The following GTF3C1 variants were observed in gnomAD, a reference collection of about 807,000 sequenced individuals.
The protein encoded by GTF3C1 is general transcription factor IIIC subunit 1.
A neutral mutation model predicts 226.7 loss-of-function variants in GTF3C1; 57 were observed. The observed-to-expected ratio is 0.25, with a 90% CI of 0.20 to 0.31. The LOEUF (loss-of-function observed/expected upper bound fraction) is 0.31, where lower values mean the gene tolerates loss of function less well. Among genes scored for constraint, GTF3C1 ranks in the 10% least tolerant of loss-of-function variants. The pLI, the probability that GTF3C1 is intolerant of heterozygous loss-of-function variation, is 1.00. For synonymous variants in GTF3C1, 1,090 were observed against 1,084.8 expected (o/e 1.00, Z -0.09); for missense variants, 2,217 against 2,776.1 (o/e 0.80, Z 4.53).
At chr16:27,517,164 G>A (rs2088670847) in intron 6 of GTF3C1, among the ~76,000 whole-genome samples, 1 of 152,306 alleles carries the variant, frequency 6.6e-6, no homozygotes, top group Middle Eastern at 3.4e-3. Flanking sequence ...GGTAAACGAC[G>A]GAACAGTGTA....
At chr16:27,478,294 C>G (rs528097501) in intron 28 of GTF3C1, among the ~76,000 whole-genome samples, 175 bp downstream of exon 28, 1 of 152,268 alleles carries the variant, frequency 6.6e-6, no homozygotes, top group African/African-American at 2.4e-5. Context: ...GAGGTTCTTG[C>G]ACAAAAGCAG....
chr16:27,475,642 C>T (rs531591956), intron 29 of GTF3C1, among the ~76,000 whole-genome samples: 1 of 152,088 alleles, frequency 6.6e-6, no homozygotes, highest in East Asian at 1.9e-4. Flanking sequence ...GTAGTAAGAC[C>T]ACTGACTTCC....
chr16:27,462,179 T>G lies in GTF3C1; in HGVS notation c.6117+115A>C. 2.9e-6 allele frequency: 2 copies of G among 696,390 alleles called. No homozygotes were observed. The highest frequency in any genetic ancestry group is 4.8e-6 in the Non-Finnish European group (2 of 413,266). The allele number at this position is 696,390 out of a possible 1,614,324, so 43.1% of individuals were successfully genotyped here. A position where few individuals can be genotyped will look rare whatever the true frequency, so the allele number is the denominator to read the frequency against. On this transcript the variant is annotated intron_variant, in intron 36 of 36. Coordinates refer to ENST00000356183, the MANE Select transcript of GTF3C1 (RefSeq NM_001520.4). This position sits in a 1 kb window ranked among gnomAD's most constrained non-coding sequence, Gnocchi z 4.5. ...GCCCAGGACAAGCTGGGGGAGGAGG[T>G]GCAGGCAAGCAGTATGGTGGTACTG...
chr16:27,533,144 A>G (rs2088946809), intron 5 of GTF3C1, 147 bp downstream of exon 5: 2 of 529,740 alleles, frequency 3.8e-6, no homozygotes, highest in East Asian at 3.0e-5. Context: ...AAAAGAAAAG[A>G]AAAAAACAGC....
intron 15 of GTF3C1, 44 bp from the exon 16 acceptor site, chr16:27,494,952 G>C (rs1264863618): frequency 6.3e-7 from 1 of 1,574,852 alleles, no homozygotes; most frequent in African/African-American, 1.3e-5. Flanking sequence ...CAGGATACCA[G>C]TCACCATGGT....
intron 7 of GTF3C1, among the ~76,000 whole-genome samples, chr16:27,510,795 T>TG (rs1037906935): frequency 2.6e-5 from 4 of 152,148 alleles, no homozygotes; most frequent in African/African-American, 4.8e-5. Flanking sequence ...TTAGGGGACC[T>TG]GGGGGAAGGG....
chr16:27,469,793 C>T lies in GTF3C1; in HGVS notation c.4815-243G>A, dbSNP rs564836699. On this transcript the variant is annotated intron_variant, in intron 31 of 36. Transcript: ENST00000356183. The surrounding 1 kb of genome is among the most constrained non-coding windows in gnomAD (Gnocchi z 4.5). Reference sequence around the variant, plus strand: ...CTCTGTGGGGACTGTTCCTTTTGCCCGTCTCTCAGCCCAGAAAACACCCAT... The same window carrying T: ...CTCTGTGGGGACTGTTCCTTTTGCCTGTCTCTCAGCCCAGAAAACACCCAT... Among the ~76,000 whole-genome samples, 26 of 152,248 alleles carry T rather than the reference C, an allele frequency of 1.7e-4. No individual in the cohort carries two copies. Among genetic ancestry groups the T allele is most frequent in the East Asian group, 5.8e-4 (3 of 5,176 alleles).
chr16:27,494,876 T>C lies in GTF3C1; in HGVS notation c.2665A>G (p.Ile889Val), dbSNP rs1335628014. ...YVDDASWMRY[I>V]PPIPVHRDFG... Reference sequence around the variant, plus strand: ...TCCCTGTGGACTGGGATTGGGGGGATGTAGCGCATCCACGAGGCATCGTCG... The same window carrying C: ...TCCCTGTGGACTGGGATTGGGGGGACGTAGCGCATCCACGAGGCATCGTCG... The change falls in exon 16 of 37, where the codon ATC becomes GTC. Residue 889 changes from isoleucine (I) to valine (V), a missense_variant. Physicochemically the swap from Ile to Val is conservative, Grantham distance 29 (BLOSUM62 3). Around this residue, in one of 12 missense-constraint regions of GTF3C1, gnomAD observed 353 missense variants for 411.7 expected, o/e 0.86. Transcript: ENST00000356183. 17 of 1,613,736 alleles carry C rather than the reference T, an allele frequency of 1.1e-5. No homozygotes were observed. The highest frequency in any genetic ancestry group is 1.4e-5 in the Non-Finnish European group (17 of 1,179,726).
At chr16:27,525,496 T>C (rs1025287056) in intron 6 of GTF3C1, among the ~76,000 whole-genome samples, 3 of 152,252 alleles carry the variant, frequency 2.0e-5, no homozygotes, top group African/African-American at 7.2e-5. Flanking sequence ...TGTGGTATTG[T>C]AATTATCTGT....
chr16:27,505,550 T>C (rs181893414), intron 10 of GTF3C1, among the ~76,000 whole-genome samples: 1 of 152,350 alleles, frequency 6.6e-6, no homozygotes, highest in Admixed American at 6.5e-5. Flanking sequence ...CATAGAGAGT[T>C]GTGGCATCCA....
At chr16:27,485,673 A>G (rs1336237030) in intron 24 of GTF3C1, among the ~76,000 whole-genome samples, 1 of 152,188 alleles carries the variant, frequency 6.6e-6, no homozygotes, top group Non-Finnish European at 1.5e-5. Flanking sequence ...AGAAAAACAG[A>G]ATGGTATTAA....
chr16:27,481,987 A>G (rs1221100467), intron 26 of GTF3C1, among the ~76,000 whole-genome samples: 1 of 152,040 alleles, frequency 6.6e-6, no homozygotes, highest in Non-Finnish European at 1.5e-5. Context: ...GTCTCCTAGG[A>G]TACACCAGGA....
At chr16:27,465,718 C>T (rs2087778172) in intron 32 of GTF3C1, 178 bp from the exon 33 acceptor site, 7 of 605,156 alleles carry the variant, frequency 1.2e-5, no homozygotes, top group South Asian at 2.0e-5. Context: ...GCTCCTGATC[C>T]GTGACCCTAG....
chr16:27,545,228 C>T (rs1300988756), intron 2 of GTF3C1, 86 bp downstream of exon 2: 8 of 930,176 alleles, frequency 8.6e-6, no homozygotes, highest in South Asian at 6.7e-5. Flanking sequence ...CCACCTGCCT[C>T]GGCCTCTTAA....
At chr16:27,547,181 T>C (rs546223701) in intron 1 of GTF3C1, among the ~76,000 whole-genome samples, 2 of 152,292 alleles carry the variant, frequency 1.3e-5, no homozygotes, top group South Asian at 2.1e-4. Context: ...CCTTGAAATG[T>C]AGGTGCACTG....
chr16:27,465,131 G>C (rs777305617), intron 33 of GTF3C1, 129 bp downstream of exon 33: 8 of 829,848 alleles, frequency 9.6e-6, no homozygotes, highest in Admixed American at 4.4e-5. Context: ...AAGTGTTAAT[G>C]ACTAATTCAA....
Position 27,464,413 on chromosome 16 carries a change from C to T in GTF3C1, c.5779G>A (p.Glu1927Lys). The change falls in exon 34 of 37, where the codon GAA (glutamate) becomes AAA (lysine). Residue 1927 changes from glutamate to lysine, a missense_variant. By Grantham distance (56) the Glu-to-Lys change is moderately conservative (BLOSUM62 1). Coordinates refer to ENST00000356183, the MANE Select transcript of GTF3C1 (RefSeq NM_001520.4). Reference protein sequence around the residue: ...EDTAAAGAAQEDQEGVGEFSS... With the variant: ...EDTAAAGAAQKDQEGVGEFSS... ...AACTCACCGACACCCTCTTGGTCTT[C>T]CTGTGCTGCTCCCGCTGCAGCGGTG... 1 of 1,603,712 alleles carries T rather than the reference C, an allele frequency of 6.2e-7. No individual in the cohort carries two copies. Among genetic ancestry groups the T allele is most frequent in the Non-Finnish European group, 8.5e-7 (1 of 1,174,940 alleles).
intron 2 of GTF3C1, among the ~76,000 whole-genome samples, chr16:27,542,352 G>A (rs2036362349): frequency 6.6e-6 from 1 of 152,158 alleles, no homozygotes; most frequent in Admixed American, 6.5e-5. Flanking sequence ...CCTGAGGTCA[G>A]GAGTTCAAGA....
In GTF3C1 at chr16:27,511,805, A is replaced by G; in HGVS notation, c.1070T>C (p.Val357Ala). The G allele has an allele frequency of 1.2e-6, 2 of 1,614,196 alleles. No individual in the cohort carries two copies. Among genetic ancestry groups the G allele is most frequent in the Non-Finnish European group, 8.5e-7 (1 of 1,180,028 alleles). The change falls in exon 7 of 37, where the codon GTG becomes GCG. Residue 357 changes from valine (V) to alanine (A), a missense_variant. By Grantham distance (64) the Val-to-Ala change is moderately conservative. Transcript: ENST00000356183. ...CTCGAACACAATGTCCACTGGAGGC[A>G]CTGTCTTGGAGATGACCTCCTCGTC... ...DEDEEVISKT[V>A]PPVDIVFERD...
Sources: allele counts gnomAD v4.1 joint callset (sites outside exome capture counted in the v4.1 genomes callset), GRCh38; gene constraint gnomAD v4.1.1; regional missense constraint gnomAD v4.1.1; non-coding constraint Gnocchi (gnomAD v3.1); transcripts MANE v1.5; gene names NCBI Gene and HGNC (gene_info 2026-07-23, HGNC 2026-07-21).